Variants in ZNF586 observed in about 807,000 individuals in gnomAD.
ZNF586 encodes zinc finger protein 586.
ZNF586 carries 7 observed loss-of-function variants against 6.7 expected under a neutral mutation model. The ratio of observed to expected loss-of-function variants is 1.04; its 90% CI spans 0.59 to 1.95. ZNF586 has a LOEUF of 1.95. ZNF586 is among the 30% of genes most tolerant of loss of function. The pLI is 0.00. For synonymous variants in ZNF586, 166 were observed against 168.7 expected (o/e 0.98, Z 0.12); for missense variants, 442 against 489.6 (o/e 0.90, Z 0.92).
chr19:57,779,170 A>ATAAT lies in ZNF586; in HGVS notation c.583_584insTAAT (p.Asn195IlefsTer14). 6 of 1,613,534 alleles carry ATAAT rather than the reference A, an allele frequency of 3.7e-6. No individual in the cohort carries two copies. Among genetic ancestry groups the ATAAT allele is most frequent in the Non-Finnish European group, 5.1e-6 (6 of 1,179,906 alleles). On this transcript the variant is annotated frameshift_variant, in exon 3 of 3. Transcript: ENST00000396154. LOFTEE classifies it low-confidence loss of function (END_TRUNC). ...CTTTGCTGAAAAGTCCAGTCTCATT[A>ATAAT]ACCACAGGAAAGTTCACTCTGGAGC...
chr19:57,779,874 T>A lies in ZNF586; in HGVS notation c.*78T>A, dbSNP rs771705458. 23 of 1,213,664 alleles carry A rather than the reference T, an allele frequency of 1.9e-5. No homozygotes were observed. Among genetic ancestry groups the A allele is most frequent in the Non-Finnish European group, 2.4e-5 (21 of 862,022 alleles). 75.2% of individuals were successfully genotyped at this position (1,213,664 alleles called of 1,614,324 possible). On this transcript the variant is annotated 3_prime_UTR_variant, in exon 3 of 3. Transcript: ENST00000396154. ...GAGTTCACACCAGATCAAGGTGTTA[T>A]GAGTGTGACAAATGGGGAATATTCT...
At chr19:57,771,348 G>A (rs148768946) in intron 1 of ZNF586, among the ~76,000 whole-genome samples, 1 of 149,864 alleles carries the variant, frequency 6.7e-6, no homozygotes, top group East Asian at 2.0e-4. Context: ...TCGCCATGTT[G>A]CCCAGGCTAG....
At chr19:57,777,357 A>T in intron 2 of ZNF586, among the ~76,000 whole-genome samples, 1 of 151,934 alleles carries the variant, frequency 6.6e-6, no homozygotes. Flanking sequence ...GTAGTTGCTC[A>T]TCTTGGTGGT....
intron 1 of ZNF586, chr19:57,774,732 G>C: frequency 1.0e-6 from 1 of 984,944 alleles, no homozygotes. Context: ...TTGGAATTCT[G>C]TGGTAATTTT....
chr19:57,769,869 G>T lies in ZNF586; in HGVS notation c.27G>T (p.Ala9=), dbSNP rs781215956. The T allele has an allele frequency of 1.3e-6, 2 of 1,543,264 alleles. No individual in the cohort carries two copies. The highest frequency in any genetic ancestry group is 1.7e-6 in the Non-Finnish European group (2 of 1,144,796). The change falls in exon 1 of 3, where the codon GCG becomes GCT. Residue 9 remains alanine, a synonymous_variant. Coordinates refer to ENST00000396154, the MANE Select transcript of ZNF586 (RefSeq NM_017652.4). ...TGGCGGCAGCAGCCGCTCTGAGGGC[G>T]CCTGCTCAGGTGAGCGCTGCGACCT... MAAAAALR[A]PAQSSVTFED...
At position 57,778,821 on chromosome 19, in the gene ZNF586, C is replaced by T; in HGVS notation, c.234C>T (p.Asp78=). The T allele has an allele frequency of 6.2e-7, 1 of 1,614,068 alleles. No individual in the cohort carries two copies. Among genetic ancestry groups the T allele is most frequent in the Non-Finnish European group, 8.5e-7 (1 of 1,180,022 alleles). The change falls in exon 3 of 3, where the codon GAC becomes GAT. Residue 78 remains aspartate, a synonymous_variant. Coordinates refer to ENST00000396154, the MANE Select transcript of ZNF586 (RefSeq NM_017652.4). The stretch of plus-strand genomic sequence containing the variant: ...GCACGTGTATACATATATACAAAGA[C>T]CAGGGAGGTCATAGTGGAGAAAGGC... ...KQSTCIHIYK[D]QGGHSGERPY...
At chr19:57,775,638 C>T (rs763717315) in intron 1 of ZNF586, among the ~76,000 whole-genome samples, 5 of 142,936 alleles carry the variant, frequency 3.5e-5, no homozygotes, top group Non-Finnish European at 7.5e-5. Flanking sequence ...GGTCTTGCTC[C>T]GTTGCCCAGG....
intron 1 of ZNF586, among the ~76,000 whole-genome samples, chr19:57,771,482 G>C (rs953700913): frequency 6.6e-6 from 1 of 152,050 alleles, no homozygotes; most frequent in Non-Finnish European, 1.5e-5. Context: ...TCAATCTGGG[G>C]ATCTTGGAAA....
intron 1 of ZNF586, among the ~76,000 whole-genome samples, chr19:57,773,174 T>A (rs1291558931): frequency 6.6e-6 from 1 of 152,194 alleles, no homozygotes; most frequent in African/African-American, 2.4e-5. Context: ...TGGGGAAGCG[T>A]TGATATTGGA....
chr19:57,772,092 G>C (rs1213067721), intron 1 of ZNF586, among the ~76,000 whole-genome samples: 1 of 152,144 alleles, frequency 6.6e-6, no homozygotes, highest in African/African-American at 2.4e-5. Context: ...AAAGTGCTGG[G>C]ATTACAGGCT....
rs34718874 is a variant in ZNF586 at position 57,777,746 on chromosome 19, C to CTT, written c.164-980_164-979dup. Among the ~76,000 whole-genome samples, 48 of 54,486 alleles carry CTT rather than the reference C, an allele frequency of 8.8e-4. 5 individuals carry two copies. Among genetic ancestry groups the CTT allele is most frequent in the African/African-American group, 2.2e-3 (28 of 12,618 alleles). The allele number at this position is 54,486 out of a possible 152,430, so 35.7% of individuals were successfully genotyped here. A position where few individuals can be genotyped will look rare whatever the true frequency, so the allele number is the denominator to read the frequency against. ...TTGTATTACGAAGTATATACCCATT[C>CTT]TTTTTTTTTTTTTTTTTTTTTTTTT... On this transcript the variant is annotated intron_variant, in intron 2 of 2. Transcript: ENST00000396154.
intron 1 of ZNF586, among the ~76,000 whole-genome samples, chr19:57,771,766 C>G (rs985543348): frequency 1.3e-5 from 2 of 152,020 alleles, no homozygotes; most frequent in Admixed American, 1.3e-4. Flanking sequence ...GATTAATGGA[C>G]TAGAGTTGTG....
intron 1 of ZNF586, among the ~76,000 whole-genome samples, chr19:57,771,370 T>C (rs1360580631): frequency 6.6e-6 from 1 of 151,040 alleles, no homozygotes; most frequent in Non-Finnish European, 1.5e-5. Context: ...CTCGAACCCT[T>C]GGGCTCAAGC....
chr19:57,769,771 C>A lies in ZNF586; in HGVS notation c.-72C>A. The stretch of plus-strand genomic sequence containing the variant: ...AGGCGGATCTGAGGTTCGGCGACGC[C>A]GCTGGTCGCGACCCGGGACAGGACA... On this transcript the variant is annotated 5_prime_UTR_variant, in exon 1 of 3. Coordinates refer to ENST00000396154, the MANE Select transcript of ZNF586 (RefSeq NM_017652.4). The A allele has an allele frequency of 6.7e-7, 1 of 1,496,266 alleles. No individual in the cohort carries two copies. Among genetic ancestry groups the A allele is most frequent in the Non-Finnish European group, 9.1e-7 (1 of 1,103,822 alleles). The allele number at this position is 1,496,266 out of a possible 1,614,324, so 92.7% of individuals were successfully genotyped here.
chr19:57,779,790 T>C lies in ZNF586; in HGVS notation c.1203T>C (p.Tyr401=), dbSNP rs192302381. The stretch of plus-strand genomic sequence containing the variant: ...GAGTTCATACTGGAATGAGGCCTTA[T>C]AAGTGAAGCAAATTTTGGAAATTCT... The part of the protein sequence containing the change: ...HQRVHTGMRP[Y]K Residue 401 remains tyrosine, a synonymous_variant, in exon 3 of 3, where the codon TAT becomes TAC. Transcript: ENST00000396154. 7.0e-6 allele frequency: 11 copies of C among 1,570,578 alleles called. No individual in the cohort carries two copies. The highest frequency in any genetic ancestry group is 1.9e-5 in the Admixed American group (1 of 52,898).
intron 2 of ZNF586, among the ~76,000 whole-genome samples, chr19:57,777,681 G>A (rs566578854): frequency 8.6e-5 from 13 of 151,028 alleles, no homozygotes; most frequent in South Asian, 2.1e-4. Flanking sequence ...TTTTTCTCAC[G>A]GCTCTGTCTG....
intron 1 of ZNF586, among the ~76,000 whole-genome samples, chr19:57,773,175 T>G (rs1048851935): frequency 6.6e-6 from 1 of 152,190 alleles, no homozygotes; most frequent in Non-Finnish European, 1.5e-5. Context: ...GGGGAAGCGT[T>G]GATATTGGAG....
intron 1 of ZNF586, among the ~76,000 whole-genome samples, chr19:57,770,158 T>TTTC (rs968610783): frequency 2.5e-3 from 6 of 2,386 alleles, no homozygotes; most frequent in Non-Finnish European, 4.2e-3. Context: ...GAGTTATTTC[T>TTTC]TTTTTTTTTT....
chr19:57,771,457 C>T (rs1600077799), intron 1 of ZNF586, among the ~76,000 whole-genome samples: 1 of 152,044 alleles, frequency 6.6e-6, no homozygotes, highest in Admixed American at 6.6e-5. Context: ...ACTTAAGTGC[C>T]ATTTCTCCGG....
Sources: gnomAD v4.1 joint callset for allele counts (sites outside exome capture counted in the v4.1 genomes callset) on GRCh38, gnomAD v4.1.1 for gene constraint, MANE v1.5 for transcripts, NCBI Gene and HGNC (gene_info 2026-07-23, HGNC 2026-07-21) for gene names.